The following TMOD3 variants were observed in gnomAD, a reference collection of about 807,000 sequenced individuals.
The protein encoded by TMOD3 is tropomodulin 3.
Under a neutral mutation model 39.2 loss-of-function variants are expected in TMOD3, and 20 were observed. That is an observed-to-expected ratio of 0.51 (90% CI 0.36 to 0.74). TMOD3 has a LOEUF of 0.74. Ranked by LOEUF, TMOD3 falls within the 30% of genes least tolerant of loss-of-function variation. TMOD3 has a pLI of 0.00. For missense variants in TMOD3, 381 were observed against 412.8 expected (o/e 0.92, Z 0.67); for synonymous variants, 143 against 145.8 (o/e 0.98, Z 0.14).
intron 1 of TMOD3, among the ~76,000 whole-genome samples, chr15:51,844,636 G>T (rs949675369): frequency 2.6e-5 from 4 of 152,192 alleles, no homozygotes; most frequent in African/African-American, 9.6e-5. Flanking sequence ...AGGCAGAAAT[G>T]AATGTGCTAC....
At chr15:51,902,084 G>T (rs144393680) in intron 9 of TMOD3, 48 bp downstream of exon 9, 1 of 1,591,812 alleles carries the variant, frequency 6.3e-7, no homozygotes, top group Admixed American at 1.9e-5. Flanking sequence ...ACAAGCTAAC[G>T]TATTGGGGGA....
chr15:51,838,353 G>C (rs966329845), intron 1 of TMOD3, among the ~76,000 whole-genome samples: 6 of 152,114 alleles, frequency 3.9e-5, no homozygotes, highest in Non-Finnish European at 8.8e-5. Flanking sequence ...TTATGTGCAT[G>C]TCTCATTTTC....
chr15:51,864,173 T>G (rs548034836), intron 2 of TMOD3, among the ~76,000 whole-genome samples: 1 of 147,816 alleles, frequency 6.8e-6, no homozygotes, highest in South Asian at 2.1e-4. Flanking sequence ...AGTGGAGGTA[T>G]GAGAATTGCT....
chr15:51,863,106 C>T, intron 2 of TMOD3, 96 bp downstream of exon 2: 1 of 1,280,376 alleles, frequency 7.8e-7, no homozygotes, highest in East Asian at 2.5e-5. Flanking sequence ...TTCTCTGGCA[C>T]CTTCCACCCT....
chr15:51,908,693 C>T (rs1371628736), intron 9 of TMOD3, 83 bp from the exon 10 acceptor site: 3 of 1,074,964 alleles, frequency 2.8e-6, no homozygotes, highest in East Asian at 2.7e-5. Flanking sequence ...CTGGATTATG[C>T]AGAAACTTGC....
chr15:51,837,093 T>C (rs918118609), intron 1 of TMOD3, among the ~76,000 whole-genome samples: 1 of 149,852 alleles, frequency 6.7e-6, no homozygotes, highest in South Asian at 2.1e-4. Flanking sequence ...TATAGACTTG[T>C]AGGTAAGAAG....
chr15:51,891,957 A>G (rs1184600618), intron 5 of TMOD3, among the ~76,000 whole-genome samples: 1 of 152,232 alleles, frequency 6.6e-6, no homozygotes, highest in Non-Finnish European at 1.5e-5. Context: ...ATCTGAAAAC[A>G]GCTAGGATAA....
chr15:51,888,708 C>T (rs2056577886), intron 4 of TMOD3, among the ~76,000 whole-genome samples: 1 of 152,046 alleles, frequency 6.6e-6, no homozygotes, highest in Non-Finnish European at 1.5e-5. Context: ...ATATTATGTT[C>T]CTAGAAACCT....
chr15:51,869,019 G>T (rs78013728), intron 2 of TMOD3, among the ~76,000 whole-genome samples, 198 bp from the exon 3 acceptor site: 5 of 152,136 alleles, frequency 3.3e-5, no homozygotes, highest in Non-Finnish European at 1.5e-5. Flanking sequence ...TAATAATAAT[G>T]TAAGTGAATT....
rs551990584 is a variant in TMOD3 at position 51,835,789 on chromosome 15, A to G, written c.-75+5953A>G. Among the ~76,000 whole-genome samples, 16 of 152,236 alleles carry G rather than the reference A, an allele frequency of 1.1e-4. No homozygotes were observed. The East Asian group carries it at 1.2e-3, about 11-fold the overall frequency. ...CCAACCTCATTATTCTTATGTAGCT[A>G]TTTTTACTTTTCCTCATTTCTTTCC... On this transcript the variant is annotated intron_variant, in intron 1 of 9. Transcript: ENST00000308580.
At chr15:51,882,349 A>G (rs996874242) in intron 3 of TMOD3, among the ~76,000 whole-genome samples, 11 of 151,590 alleles carry the variant, frequency 7.3e-5, no homozygotes, top group Non-Finnish European at 1.5e-5. Flanking sequence ...GACCAGCCTG[A>G]CCAACATGGC....
At chr15:51,834,222 T>A (rs752851842) in intron 1 of TMOD3, among the ~76,000 whole-genome samples, 11 of 152,168 alleles carry the variant, frequency 7.2e-5, no homozygotes, top group African/African-American at 1.9e-4. Context: ...AGTTTTTTTT[T>A]ATACAGTCTG....
chr15:51,873,168 C>T (rs1057113483), intron 3 of TMOD3, among the ~76,000 whole-genome samples: 4 of 152,174 alleles, frequency 2.6e-5, no homozygotes, highest in African/African-American at 9.7e-5. Flanking sequence ...CTCCAGGATC[C>T]TGATCACGTT....
At chr15:51,886,889 A>C (rs1485208682) in intron 3 of TMOD3, among the ~76,000 whole-genome samples, 2 of 152,208 alleles carry the variant, frequency 1.3e-5, no homozygotes, top group African/African-American at 4.8e-5. Context: ...TGTCTCTGCT[A>C]TCCCCCATGT....
intron 2 of TMOD3, among the ~76,000 whole-genome samples, 179 bp downstream of exon 2, chr15:51,863,189 A>C (rs1231303495): frequency 3.9e-5 from 6 of 152,134 alleles, no homozygotes; most frequent in Non-Finnish European, 7.4e-5. Context: ...CCATATGTTT[A>C]ATGACATGAC....
chr15:51,854,866 T>G (rs188764387), intron 1 of TMOD3, among the ~76,000 whole-genome samples: 190 of 152,346 alleles, frequency 1.2e-3, no homozygotes, highest in African/African-American at 4.4e-3. Flanking sequence ...AGCTAAAATT[T>G]AAAACTCTTA....
chr15:51,882,365 C>T (rs2056539282), intron 3 of TMOD3, among the ~76,000 whole-genome samples: 1 of 151,604 alleles, frequency 6.6e-6, no homozygotes, highest in Non-Finnish European at 1.5e-5. Flanking sequence ...ATGGCAAAAC[C>T]CCATCTACTA....
chr15:51,861,026 G>T (rs1325632728), intron 1 of TMOD3: 2 of 705,122 alleles, frequency 2.8e-6, no homozygotes, highest in East Asian at 8.1e-5. Flanking sequence ...CTTGTACCTG[G>T]TGTACAATAG....
chr15:51,870,122 A>G (rs1426503150), intron 3 of TMOD3, among the ~76,000 whole-genome samples: 2 of 152,160 alleles, frequency 1.3e-5, no homozygotes, highest in Admixed American at 6.5e-5. Flanking sequence ...TATTTTTAGT[A>G]GAGATGGGGT....
Sources: gnomAD v4.1 joint callset for allele counts (sites outside exome capture counted in the v4.1 genomes callset) on GRCh38, gnomAD v4.1.1 for gene constraint, MANE v1.5 for transcripts, NCBI Gene and HGNC (gene_info 2026-07-23, HGNC 2026-07-21) for gene names.